EPHA6: variants seen among roughly 807,000 people sequenced by gnomAD.
EPHA6 encodes ephrin type-A receptor 6.
EPHA6 carries 50 observed loss-of-function variants against 112.0 expected under a neutral mutation model. The ratio of observed to expected loss-of-function variants is 0.45; its 90% CI spans 0.36 to 0.56. The LOEUF (loss-of-function observed/expected upper bound fraction) is 0.56. EPHA6 is among the 20% of genes least tolerant of loss of function. EPHA6 has a pLI of 0.00. For synonymous variants in EPHA6, 529 were observed against 490.7 expected, an observed-to-expected ratio of 1.08 and a Z score of -1.03; for missense variants, 1,280 against 1,417.4, an observed-to-expected ratio of 0.90 and a Z score of 1.56.
At chr3:97,579,514 G>T (rs2093417851) in intron 11 of EPHA6, among the ~76,000 whole-genome samples, 1 of 152,136 alleles carries the variant, frequency 6.6e-6, no homozygotes, top group Non-Finnish European at 1.5e-5. Flanking sequence ...TGCCTCGCAT[G>T]GGTGAACAGC....
chr3:97,653,718 C>A (rs2094120905), intron 14 of EPHA6, among the ~76,000 whole-genome samples: 2 of 151,914 alleles, frequency 1.3e-5, no homozygotes, highest in African/African-American at 4.8e-5. Context: ...TGTGCTGCAT[C>A]ATTATTCAAA....
chr3:97,710,145 G>T (rs943383816), intron 14 of EPHA6, among the ~76,000 whole-genome samples: 1 of 152,076 alleles, frequency 6.6e-6, no homozygotes, highest in Non-Finnish European at 1.5e-5. Flanking sequence ...CTCCACCTTT[G>T]GGGGTGAGCC....
intron 3 of EPHA6, among the ~76,000 whole-genome samples, chr3:97,180,274 T>C (rs2076952152): frequency 6.6e-6 from 1 of 152,018 alleles, no homozygotes; most frequent in Non-Finnish European, 1.5e-5. Flanking sequence ...TACTCGTCCT[T>C]CAGGGCATTG....
intron 2 of EPHA6, among the ~76,000 whole-genome samples, chr3:96,911,011 A>G (rs561308830): frequency 5.9e-5 from 9 of 152,094 alleles, no homozygotes; most frequent in African/African-American, 1.9e-4. Flanking sequence ...GTTTACTTTG[A>G]TATATTTGCT....
At chr3:96,917,179 G>T (rs2107617905) in intron 2 of EPHA6, among the ~76,000 whole-genome samples, 1 of 152,116 alleles carries the variant, frequency 6.6e-6, no homozygotes, top group Non-Finnish European at 1.5e-5. Flanking sequence ...CCAGCACTTT[G>T]AGAGGCCGAG....
intron 10 of EPHA6, among the ~76,000 whole-genome samples, chr3:97,484,568 A>C (rs1310823169): frequency 3.9e-5 from 6 of 152,232 alleles, no homozygotes; most frequent in Admixed American, 1.3e-4. Context: ...ATCCTGAATA[A>C]ATACAAATTT....
intron 3 of EPHA6, among the ~76,000 whole-genome samples, chr3:97,218,816 C>T (rs963310183): frequency 1.3e-5 from 2 of 152,150 alleles, no homozygotes; most frequent in Non-Finnish European, 2.9e-5. Flanking sequence ...TCCAAAGTCT[C>T]ATCTGAGAAA....
At chr3:97,679,917 T>C (rs183692844) in intron 14 of EPHA6, among the ~76,000 whole-genome samples, 1 of 152,314 alleles carries the variant, frequency 6.6e-6, no homozygotes, top group East Asian at 1.9e-4. Context: ...CCAGGCAACC[T>C]TTTGCTTGCC....
intron 3 of EPHA6, among the ~76,000 whole-genome samples, chr3:97,022,072 T>G (rs550812090): frequency 1.6e-4 from 24 of 152,340 alleles, no homozygotes; most frequent in African/African-American, 5.8e-4. Context: ...AGAAAACATT[T>G]GTTGAATAAA....
intron 3 of EPHA6, among the ~76,000 whole-genome samples, chr3:97,030,237 T>G (rs973646999): frequency 6.6e-6 from 1 of 152,068 alleles, no homozygotes; most frequent in African/African-American, 2.4e-5. Flanking sequence ...GAAGCCTAAC[T>G]TAATACCTAT....
At chr3:97,362,934 A>G (rs1408867177) in intron 5 of EPHA6, among the ~76,000 whole-genome samples, 2 of 151,540 alleles carry the variant, frequency 1.3e-5, no homozygotes, top group African/African-American at 2.4e-5. Context: ...AAAAGGAACA[A>G]AATCTGTTTG....
intron 14 of EPHA6, among the ~76,000 whole-genome samples, chr3:97,672,008 G>A (rs2030894411): frequency 6.6e-6 from 1 of 152,090 alleles, no homozygotes; most frequent in African/African-American, 2.4e-5. Context: ...ATACATTCCT[G>A]GATTGCGCAG....
Position 96,945,239 on chromosome 3 carries a change from T to G in EPHA6, c.451-42091T>G, listed in dbSNP as rs138207588. ...TAGATTAATAAAATCATATTCTAAG[T>G]GCATTTTCTGATTCCATATTCACCT... On this transcript the variant is annotated intron_variant, in intron 2 of 17. Coordinates refer to ENST00000389672, the MANE Select transcript of EPHA6 (RefSeq NM_001080448.3). Among the ~76,000 whole-genome samples the G allele has an allele frequency of 3.3e-5, 5 of 152,342 alleles. No homozygotes were observed. The East Asian group carries it at 9.6e-4, about 29-fold the overall frequency.
rs755651627 is a variant in EPHA6 at position 96,892,952 on chromosome 3, A to ATG, written c.450+26064_450+26065insGT. The stretch of plus-strand genomic sequence containing the variant: ...GCCTGATTCCAACTTATATATATAT[A>ATG]TATGTGTGTGTGTGTGTGTGTGTGT... On this transcript the variant is annotated intron_variant, in intron 2 of 17. Transcript: ENST00000389672. Among the ~76,000 whole-genome samples the ATG allele has an allele frequency of 6.7e-3, 940 of 140,826 alleles. 7 individuals are homozygous for ATG. Among genetic ancestry groups the ATG allele is most frequent in the African/African-American group, 0.025 (847 of 33,238 alleles). 92.4% of individuals were successfully genotyped at this position (140,826 alleles called of 152,430 possible).
intron 5 of EPHA6, among the ~76,000 whole-genome samples, chr3:97,328,893 GC>G (rs774454480): frequency 5.3e-5 from 8 of 151,994 alleles, no homozygotes; most frequent in Non-Finnish European, 1.2e-4. Context: ...GTATGCATGT[GC>G]CATATTGGTG....
intron 10 of EPHA6, among the ~76,000 whole-genome samples, chr3:97,517,780 C>G (rs1372359634): frequency 6.6e-6 from 1 of 152,058 alleles, no homozygotes; most frequent in Non-Finnish European, 1.5e-5. Context: ...AATCTGGTAA[C>G]CACCATTCTC....
At chr3:96,819,628 G>C (rs1260644151) in intron 1 of EPHA6, among the ~76,000 whole-genome samples, 5 of 152,062 alleles carry the variant, frequency 3.3e-5, no homozygotes. Flanking sequence ...AATATATATA[G>C]TTAGGTGATC....
intron 14 of EPHA6, among the ~76,000 whole-genome samples, chr3:97,702,267 CT>C (rs1439931603): frequency 6.6e-6 from 1 of 152,080 alleles, no homozygotes; most frequent in Non-Finnish European, 1.5e-5. Context: ...GAATAAAGAA[CT>C]TTTTTCTCCT....
chr3:96,824,631 C>T (rs1178930385), intron 1 of EPHA6, among the ~76,000 whole-genome samples: 3 of 152,032 alleles, frequency 2.0e-5, no homozygotes, highest in African/African-American at 4.8e-5. Context: ...TGAGAGCTTA[C>T]AGTTTAGCTA....
Sources: gnomAD v4.1 joint callset for allele counts (sites outside exome capture counted in the v4.1 genomes callset) on GRCh38, gnomAD v4.1.1 for gene constraint, MANE v1.5 for transcripts, NCBI Gene and HGNC (gene_info 2026-07-23, HGNC 2026-07-21) for gene names.